The following MET variants were observed in gnomAD, a reference collection of about 807,000 sequenced individuals.
The protein encoded by MET is MET proto-oncogene, receptor tyrosine kinase.
Under a neutral mutation model 133.1 loss-of-function variants are expected in MET, and 48 were observed. The ratio of observed to expected loss-of-function variants is 0.36; its 90% CI spans 0.29 to 0.46. MET has a LOEUF of 0.46. Among genes scored for constraint, MET ranks in the 20% least tolerant of loss-of-function variants. MET has a pLI of 1.00. For missense variants in MET, 1,442 were observed against 1,695.9 expected (o/e 0.85, Z 2.63); for synonymous variants, 628 against 616.5 (o/e 1.02, Z -0.28).
At chr7:116,716,495 A>AAGAAAGAAAGAAAGAC in intron 2 of MET, among the ~76,000 whole-genome samples, 1 of 149,892 alleles carries the variant, frequency 6.7e-6, no homozygotes, top group Admixed American at 6.6e-5. Flanking sequence ...GAAAGAAAGA[A>AAGAAAGAAAGAAAGAC]AGAAAGAAAG....
At chr7:116,691,250 T>G (rs1172544218) in intron 1 of MET, among the ~76,000 whole-genome samples, 1 of 152,164 alleles carries the variant, frequency 6.6e-6, no homozygotes, top group African/African-American at 2.4e-5. Context: ...TTGTAGAAGA[T>G]TTTAGAATTA....
At chr7:116,707,683 G>A (rs1476968208) in intron 2 of MET, among the ~76,000 whole-genome samples, 1 of 152,108 alleles carries the variant, frequency 6.6e-6, no homozygotes, top group Non-Finnish European at 1.5e-5. Flanking sequence ...TCAGGAAATG[G>A]GGAAAATGCA....
At chr7:116,770,012 A>G (rs1198038217) in intron 12 of MET, 1 of 619,758 alleles carries the variant, frequency 1.6e-6, no homozygotes, top group Non-Finnish European at 2.9e-6. Flanking sequence ...TTCTACCCAC[A>G]CTGCTTCTCC....
In MET at chr7:116,774,917, G is replaced by A. The variant is rs45612435; in HGVS notation, c.3065G>A (p.Arg1022Gln). 6.1e-5 allele frequency: 99 copies of A among 1,613,978 alleles called. No individual in the cohort carries two copies. The East Asian group carries it at 1.8e-3, about 30-fold the overall frequency. The stretch of plus-strand genomic sequence containing the variant: ...AATTCATCTCAGAACGGTTCATGCC[G>A]ACAAGTGCAGTATCCTCTGACAGAC... The part of the protein sequence containing the change: ...FPNSSQNGSC[R>Q]QVQYPLTDMS... The change falls in exon 15 of 21, where the codon CGA becomes CAA. Residue 1022 changes from arginine to glutamine, a missense_variant. By Grantham distance (43) the Arg-to-Gln change is conservative. Transcript: ENST00000397752.
intron 5 of MET, among the ~76,000 whole-genome samples, chr7:116,755,039 A>AGAAAGAAAGAAC (rs1281008331): frequency 6.6e-6 from 1 of 151,662 alleles, no homozygotes; most frequent in Non-Finnish European, 1.5e-5. Flanking sequence ...AAAGAAAGAA[A>AGAAAGAAAGAAC]GAAAAGAAAG....
chr7:116,699,237 C>T lies in MET; in HGVS notation c.153C>T (p.Pro51=), dbSNP rs1461791962. ...YQLPNFTAET[P]IQNVILHEHH... is the part of the protein sequence containing the mutation. ...TTCCCAACTTCACCGCGGAAACACC[C>T]ATCCAGAATGTCATTCTACATGAGC... Residue 51 remains proline (P), a synonymous_variant, in exon 2 of 21, where the codon CCC becomes CCT. Coordinates refer to ENST00000397752, the MANE Select transcript of MET (RefSeq NM_000245.4). The T allele has an allele frequency of 6.2e-7, 1 of 1,613,866 alleles. No individual in the cohort carries two copies. The highest frequency in any genetic ancestry group is 8.5e-7 in the Non-Finnish European group (1 of 1,179,932).
intron 2 of MET, among the ~76,000 whole-genome samples, chr7:116,720,101 A>C (rs1242504420): frequency 6.6e-6 from 1 of 152,184 alleles, no homozygotes; most frequent in Admixed American, 6.6e-5. Flanking sequence ...TTTTCACGAT[A>C]TGGATTCTTC....
chr7:116,787,960 TGTG>T (rs1795369363), intron 19 of MET, among the ~76,000 whole-genome samples: 1 of 151,550 alleles, frequency 6.6e-6, no homozygotes, highest in Non-Finnish European at 1.5e-5. Flanking sequence ...AAAAAAAAAA[TGTG>T]GTGTGTCCAT....
intron 5 of MET, 135 bp downstream of exon 5, chr7:116,741,160 A>T: frequency 1.4e-5 from 14 of 1,024,142 alleles, no homozygotes. Context: ...CAATTTACTC[A>T]TTTAGCTGTG....
rs745366999 is a variant in MET at position 116,795,868 on chromosome 7, GTCTT to G, written c.3936-13_3936-10del. ...GCCTTCAAAGGGTCTCTTACAGCAT[GTCTT>G]TCTTTTTGGAACAGATATGAAGTAA... On this transcript the variant is annotated splice_polypyrimidine_tract_variant and intron_variant, in intron 20 of 20. Transcript: ENST00000397752. 795 of 1,614,152 alleles carry G rather than the reference GTCTT, an allele frequency of 4.9e-4. No homozygotes were observed. Among genetic ancestry groups the G allele is most frequent in the Non-Finnish European group, 6.3e-4 (747 of 1,180,004 alleles).
At chr7:116,764,114 T>G (rs1794517951) in intron 11 of MET, among the ~76,000 whole-genome samples, 1 of 152,230 alleles carries the variant, frequency 6.6e-6, no homozygotes, top group South Asian at 2.1e-4. Context: ...TAATATAGGC[T>G]TTCATGGGTC....
chr7:116,773,952 C>T (rs1794911162), intron 14 of MET, among the ~76,000 whole-genome samples: 2 of 152,146 alleles, frequency 1.3e-5, no homozygotes, highest in Non-Finnish European at 2.9e-5. Flanking sequence ...TAATGAGGAA[C>T]CCCCACATAA....
chr7:116,697,022 T>C (rs1796988488), intron 1 of MET, among the ~76,000 whole-genome samples: 1 of 152,188 alleles, frequency 6.6e-6, no homozygotes, highest in African/African-American at 2.4e-5. Flanking sequence ...TGGTGAATAA[T>C]GTAAAACCTG....
At chr7:116,728,096 A>G (rs1306385360) in intron 2 of MET, among the ~76,000 whole-genome samples, 5 of 152,338 alleles carry the variant, frequency 3.3e-5, no homozygotes, top group Non-Finnish European at 5.9e-5. Flanking sequence ...TTTTTCCTAG[A>G]GGCTAGTGCC....
chr7:116,679,190 G>T (rs1433311001), intron 1 of MET, among the ~76,000 whole-genome samples: 1 of 152,172 alleles, frequency 6.6e-6, no homozygotes. Flanking sequence ...TAGGTACTCA[G>T]TAAGTATTTT....
intron 17 of MET, among the ~76,000 whole-genome samples, chr7:116,779,183 C>T (rs1795081579): frequency 6.6e-6 from 1 of 152,230 alleles, no homozygotes; most frequent in Non-Finnish European, 1.5e-5. Flanking sequence ...AGCAACCTTG[C>T]TCTACCTTCC....
chr7:116,731,245 G>A (rs1298112298), intron 2 of MET, among the ~76,000 whole-genome samples: 1 of 152,276 alleles, frequency 6.6e-6, no homozygotes. Context: ...GCACAAGAAT[G>A]CACAAAGGCA....
chr7:116,791,772 CT>C (rs1224084714), intron 19 of MET, among the ~76,000 whole-genome samples: 1 of 152,102 alleles, frequency 6.6e-6, no homozygotes, highest in African/African-American at 2.4e-5. Flanking sequence ...TCAAGTGATT[CT>C]TTTACCTCAG....
At chr7:116,723,541 G>A in intron 2 of MET, among the ~76,000 whole-genome samples, 1 of 152,210 alleles carries the variant, frequency 6.6e-6, no homozygotes, top group African/African-American at 2.4e-5. Flanking sequence ...GCGTTCCTTT[G>A]GAGGAGGAGA....
Sources: gnomAD v4.1 joint callset for allele counts (sites outside exome capture counted in the v4.1 genomes callset) on GRCh38, gnomAD v4.1.1 for gene constraint, MANE v1.5 for transcripts, NCBI Gene and HGNC (gene_info 2026-07-23, HGNC 2026-07-21) for gene names.